The following CCDC91 variants were observed in gnomAD, a reference collection of about 807,000 sequenced individuals.
The protein encoded by CCDC91 is coiled-coil domain containing 91, also known as coiled-coil domain-containing protein 91.
In CCDC91, 48 loss-of-function variants were observed where a neutral mutation model predicts 63.2. That is an observed-to-expected ratio of 0.76 (90% CI 0.60 to 0.97). The LOEUF is 0.97. Ranked by LOEUF, CCDC91 falls within the 50% of genes least tolerant of loss-of-function variation. The pLI is 0.00. For missense variants in CCDC91, 500 were observed against 494.6 expected (o/e 1.01, Z -0.10); for synonymous variants, 167 against 165.8 (o/e 1.01, Z -0.06).
chr12:28,391,463 CCCCT>C, intron 8 of CCDC91, 52 bp downstream of exon 8: 2 of 1,059,362 alleles, frequency 1.9e-6, no homozygotes, highest in Non-Finnish European at 2.9e-6. Context: ...CTGACTCTCT[CCCCT>C]GAGAGCTCTA....
chr12:28,315,993 T>C (rs529077762), intron 6 of CCDC91, among the ~76,000 whole-genome samples: 1 of 152,102 alleles, frequency 6.6e-6, no homozygotes, highest in East Asian at 1.9e-4. Flanking sequence ...TCTATGAACA[T>C]CTGAAATACA....
chr12:28,327,595 C>T lies in CCDC91; in HGVS notation c.576+19846C>T, dbSNP rs558235606. Among the ~76,000 whole-genome samples, 14 of 152,234 alleles carry T rather than the reference C, an allele frequency of 9.2e-5. No individual in the cohort carries two copies. The South Asian group carries it at 2.5e-3, about 27-fold the overall frequency. ...GTACTTCAGCATGGGCCAGAAGTCT[C>T]ACAGGAGAAAAAGAGCTATTCCCCT... On this transcript the variant is annotated intron_variant, in intron 6 of 12. Transcript: ENST00000536442.
intron 1 of CCDC91, among the ~76,000 whole-genome samples, chr12:28,201,121 G>T (rs1189219078): frequency 6.7e-6 from 1 of 149,930 alleles, no homozygotes; most frequent in Non-Finnish European, 1.5e-5. Flanking sequence ...GGCTGGCCGG[G>T]CGGGGGGCTG....
intron 12 of CCDC91, among the ~76,000 whole-genome samples, chr12:28,493,065 C>A (rs1297587109): frequency 6.6e-6 from 1 of 151,358 alleles, no homozygotes; most frequent in Non-Finnish European, 1.5e-5. Flanking sequence ...ATAAAAGAAC[C>A]ACCATTTATT....
At chr12:28,521,744 C>T (rs1249036263) in intron 12 of CCDC91, among the ~76,000 whole-genome samples, 1 of 152,016 alleles carries the variant, frequency 6.6e-6, no homozygotes, top group East Asian at 1.9e-4. Flanking sequence ...TGAGATACTT[C>T]CCATCAATAC....
At chr12:28,395,951 T>C (rs779899393) in intron 8 of CCDC91, among the ~76,000 whole-genome samples, 1 of 152,180 alleles carries the variant, frequency 6.6e-6, no homozygotes, top group Non-Finnish European at 1.5e-5. Flanking sequence ...TTGTATGACA[T>C]GGCACTCGGC....
chr12:28,450,464 A>T (rs1436170695), intron 10 of CCDC91, 46 bp downstream of exon 10: 3 of 1,270,514 alleles, frequency 2.4e-6, no homozygotes, highest in Non-Finnish European at 3.5e-6. Flanking sequence ...AAGTGGAATT[A>T]AAAAATGGAA....
At chr12:28,405,996 T>TC (rs764896817) in intron 8 of CCDC91, among the ~76,000 whole-genome samples, 115 of 152,200 alleles carry the variant, frequency 7.6e-4, no homozygotes, top group Admixed American at 1.6e-3. Flanking sequence ...ACCCTATGCA[T>TC]CCCCCTTACG....
At chr12:28,523,529 A>G (rs1592949760) in intron 12 of CCDC91, among the ~76,000 whole-genome samples, 1 of 151,954 alleles carries the variant, frequency 6.6e-6, no homozygotes, top group Admixed American at 6.6e-5. Context: ...TCTTTATCCA[A>G]TTTGCCAGTC....
chr12:28,273,854 A>G (rs980570124), intron 3 of CCDC91, among the ~76,000 whole-genome samples: 3 of 151,934 alleles, frequency 2.0e-5, no homozygotes, highest in African/African-American at 7.3e-5. Context: ...ATTAGATCCC[A>G]TTTGTCAATT....
intron 1 of CCDC91, among the ~76,000 whole-genome samples, chr12:28,209,594 C>G (rs1448001433): frequency 2.6e-5 from 4 of 152,026 alleles, no homozygotes; most frequent in African/African-American, 9.7e-5. Flanking sequence ...CCAGGCCTGG[C>G]TCATTTTTGT....
chr12:28,297,683 T>C (rs1949638893), intron 3 of CCDC91, among the ~76,000 whole-genome samples: 1 of 151,860 alleles, frequency 6.6e-6, no homozygotes, highest in Non-Finnish European at 1.5e-5. Context: ...GTAGGTGTTG[T>C]TGGGCACACC....
intron 6 of CCDC91, among the ~76,000 whole-genome samples, chr12:28,351,198 G>T (rs748973667): frequency 6.6e-6 from 1 of 152,140 alleles, no homozygotes; most frequent in Non-Finnish European, 1.5e-5. Flanking sequence ...AACCAGATGA[G>T]GGTGAGACTG....
chr12:28,246,271 TG>T (rs1945725920), intron 1 of CCDC91, among the ~76,000 whole-genome samples: 1 of 152,164 alleles, frequency 6.6e-6, no homozygotes, highest in Non-Finnish European at 1.5e-5. Flanking sequence ...TTAAGGATTG[TG>T]AGTCCAGATA....
At chr12:28,274,317 G>A (rs2136435110) in intron 3 of CCDC91, among the ~76,000 whole-genome samples, 2 of 152,176 alleles carry the variant, frequency 1.3e-5, no homozygotes, top group South Asian at 4.1e-4. Context: ...TTGACTTGGT[G>A]ATGCAGGCTC....
intron 6 of CCDC91, among the ~76,000 whole-genome samples, chr12:28,323,652 G>A (rs1278820935): frequency 6.6e-6 from 1 of 151,834 alleles, no homozygotes; most frequent in Non-Finnish European, 1.5e-5. Context: ...TTGCGATTTT[G>A]ATAGAAATTT....
chr12:28,527,631 G>GGA (rs59630874), intron 12 of CCDC91, among the ~76,000 whole-genome samples: 75 of 152,136 alleles, frequency 4.9e-4, no homozygotes, highest in African/African-American at 1.5e-3. Flanking sequence ...TATGGGGGGG[G>GGA]AACATTTGGT....
At chr12:28,324,882 GA>G (rs1235040944) in intron 6 of CCDC91, among the ~76,000 whole-genome samples, 2 of 151,512 alleles carry the variant, frequency 1.3e-5, no homozygotes, top group African/African-American at 4.8e-5. Context: ...TTTTTCTTTT[GA>G]TTGATATTCT....
At chr12:28,306,125 T>C (rs1027013137) in intron 4 of CCDC91, among the ~76,000 whole-genome samples, 2 of 152,110 alleles carry the variant, frequency 1.3e-5, no homozygotes, top group African/African-American at 4.8e-5. Context: ...AGAATAAGTA[T>C]TTCTCTTTTC....
Sources: allele counts gnomAD v4.1 joint callset (sites outside exome capture counted in the v4.1 genomes callset), GRCh38; gene constraint gnomAD v4.1.1; transcripts MANE v1.5; gene names NCBI Gene and HGNC (gene_info 2026-07-23, HGNC 2026-07-21).